The following LDB2 variants were observed in gnomAD, a reference collection of about 807,000 sequenced individuals.
The protein encoded by LDB2 is LIM domain binding 2.
A neutral mutation model predicts 44.3 loss-of-function variants in LDB2; 12 were observed. The ratio of observed to expected loss-of-function variants is 0.27; its 90% confidence interval spans 0.17 to 0.44. The LOEUF (loss-of-function observed/expected upper bound fraction) is 0.44, where lower values mean the gene tolerates loss of function less well. Among genes scored for constraint, LDB2 ranks in the 20% least tolerant of loss-of-function variants. The pLI, the probability that LDB2 is intolerant of heterozygous loss-of-function variation, is 1.00. For synonymous variants in LDB2, 164 were observed against 174.8 expected (o/e 0.94, Z 0.49); for missense variants, 344 against 473.5 (o/e 0.73, Z 2.54).
At chr4:16,896,101 G>T (rs1724925024) in intron 1 of LDB2, among the ~76,000 whole-genome samples, 1 of 151,992 alleles carries the variant, frequency 6.6e-6, no homozygotes, top group South Asian at 2.1e-4. Flanking sequence ...AATGTAAACG[G>T]TTAGCTCTAG....
intron 1 of LDB2, among the ~76,000 whole-genome samples, chr4:16,895,162 G>A (rs1199876522): frequency 6.6e-6 from 1 of 150,404 alleles, no homozygotes; most frequent in Non-Finnish European, 1.5e-5. Context: ...TCAATTAAAG[G>A]GACACTGTTG....
intron 1 of LDB2, among the ~76,000 whole-genome samples, chr4:16,872,306 CTTTTATCTTTATTTTTTATT>C (rs1414461911): frequency 1.3e-5 from 2 of 151,800 alleles, no homozygotes. Flanking sequence ...TATTTTTATT[CTTTTATCTTTATTTTTTATT>C]TTTTATCTTT....
chr4:16,546,986 C>G (rs1735993536), intron 5 of LDB2, among the ~76,000 whole-genome samples: 1 of 152,142 alleles, frequency 6.6e-6, no homozygotes, highest in African/African-American at 2.4e-5. Flanking sequence ...TAATGTCCTC[C>G]CAAAAGATAC....
intron 2 of LDB2, among the ~76,000 whole-genome samples, chr4:16,669,679 T>C (rs1210037429): frequency 6.6e-6 from 1 of 152,196 alleles, no homozygotes; most frequent in African/African-American, 2.4e-5. Flanking sequence ...TTGTCTAAGA[T>C]CACATACTAA....
chr4:16,859,748 G>A (rs1711861086), intron 1 of LDB2, among the ~76,000 whole-genome samples: 2 of 152,148 alleles, frequency 1.3e-5, no homozygotes, highest in South Asian at 4.1e-4. Context: ...CAGTACCAGA[G>A]GGGTTACTGA....
At chr4:16,603,997 T>G (rs1420077224) in intron 2 of LDB2, among the ~76,000 whole-genome samples, 1 of 152,100 alleles carries the variant, frequency 6.6e-6, no homozygotes, top group Non-Finnish European at 1.5e-5. Flanking sequence ...GACACCCAAG[T>G]GGGCTGAGAA....
chr4:16,788,110 G>A (rs35396093), intron 1 of LDB2, among the ~76,000 whole-genome samples: 30 of 152,342 alleles, frequency 2.0e-4, no homozygotes, highest in African/African-American at 6.7e-4. Flanking sequence ...ATAGTGCTGA[G>A]GGCTGGGCAT....
In LDB2 at chr4:16,741,231, G is replaced by C. The variant is rs192620244; in HGVS notation, c.235+17927C>G. Among the ~76,000 whole-genome samples, 20 of 152,282 alleles carry C rather than the reference G, an allele frequency of 1.3e-4. No homozygotes were observed. The East Asian group carries it at 3.9e-3, about 29-fold the overall frequency. The stretch of plus-strand genomic sequence containing the variant: ...TCTTCCTTTTAAAGCACTACGGTTT[G>C]TCAACATGTGACTTCTATCATTTCC... On this transcript the variant is annotated intron_variant, in intron 2 of 7. Transcript: ENST00000304523.
chr4:16,778,282 C>T (rs1414821959), intron 1 of LDB2, among the ~76,000 whole-genome samples: 2 of 152,214 alleles, frequency 1.3e-5, no homozygotes, highest in Non-Finnish European at 2.9e-5. Context: ...GCAACACACA[C>T]ACACAATCAT....
chr4:16,571,785 T>C (rs1746621101), intron 5 of LDB2, among the ~76,000 whole-genome samples: 1 of 152,246 alleles, frequency 6.6e-6, no homozygotes, highest in Non-Finnish European at 1.5e-5. Context: ...TTGAGAGGTA[T>C]GTGGTGGACA....
intron 5 of LDB2, among the ~76,000 whole-genome samples, chr4:16,530,120 C>T (rs1323668979): frequency 6.6e-6 from 1 of 152,158 alleles, no homozygotes; most frequent in Non-Finnish European, 1.5e-5. Flanking sequence ...TCATAAGACT[C>T]CTAATATTAT....
chr4:16,548,146 C>T (rs979887756), intron 5 of LDB2, among the ~76,000 whole-genome samples: 6 of 151,908 alleles, frequency 3.9e-5, no homozygotes, highest in African/African-American at 1.4e-4. Flanking sequence ...GTTCTTGACC[C>T]CCAACTCAAG....
chr4:16,856,967 T>G (rs967019244), intron 1 of LDB2, among the ~76,000 whole-genome samples: 2 of 152,198 alleles, frequency 1.3e-5, no homozygotes, highest in African/African-American at 4.8e-5. Flanking sequence ...TTATACAGAT[T>G]CCTCAAAATT....
chr4:16,681,762 G>A (rs1416929733), intron 2 of LDB2, among the ~76,000 whole-genome samples: 15 of 151,438 alleles, frequency 9.9e-5, no homozygotes, highest in Admixed American at 3.3e-4. Flanking sequence ...TAGTAGAGAC[G>A]GGGTTTCACC....
At chr4:16,853,136 C>A (rs960384336) in intron 1 of LDB2, among the ~76,000 whole-genome samples, 4 of 152,136 alleles carry the variant, frequency 2.6e-5, no homozygotes, top group African/African-American at 7.2e-5. Flanking sequence ...ATTAAGAAGG[C>A]ATGTTTTTTA....
At chr4:16,609,018 C>A (rs150332979) in intron 2 of LDB2, among the ~76,000 whole-genome samples, 1 of 152,126 alleles carries the variant, frequency 6.6e-6, no homozygotes. Context: ...CCGTAATAAG[C>A]GAGTGAATCC....
intron 2 of LDB2, among the ~76,000 whole-genome samples, chr4:16,616,939 C>T (rs1397241735): frequency 6.6e-6 from 1 of 152,066 alleles, no homozygotes; most frequent in Non-Finnish European, 1.5e-5. Flanking sequence ...TTAGTATGTA[C>T]CTTGCTACAT....
intron 1 of LDB2, among the ~76,000 whole-genome samples, chr4:16,765,793 A>G (rs1277500346): frequency 6.6e-6 from 1 of 152,228 alleles, no homozygotes; most frequent in East Asian, 1.9e-4. Flanking sequence ...CTCATCTCAC[A>G]ATAATGGAAT....
intron 1 of LDB2, among the ~76,000 whole-genome samples, chr4:16,809,452 GAA>G (rs1186306577): frequency 4.6e-5 from 7 of 152,190 alleles, no homozygotes; most frequent in Admixed American, 4.6e-4. Context: ...TTGAGATAGA[GAA>G]GAGTTAAAGA....
Sources: allele counts gnomAD v4.1 joint callset (sites outside exome capture counted in the v4.1 genomes callset), GRCh38; gene constraint gnomAD v4.1.1; transcripts MANE v1.5; gene names NCBI Gene and HGNC (gene_info 2026-07-23, HGNC 2026-07-21).